The following SLC35D1 variants were observed in gnomAD, a reference collection of about 807,000 sequenced individuals.
The protein encoded by SLC35D1 is solute carrier family 35 member D1, also known as nucleotide sugar transporter SLC35D1.
A neutral mutation model predicts 46.7 loss-of-function variants in SLC35D1; 31 were observed. The observed-to-expected ratio is 0.66, with a 90% CI of 0.50 to 0.90. The LOEUF (loss-of-function observed/expected upper bound fraction) is 0.90, where lower values mean the gene tolerates loss of function less well. Among genes scored for constraint, SLC35D1 ranks in the 40% least tolerant of loss-of-function variants. The pLI is 0.00. For synonymous variants in SLC35D1, 195 were observed against 164.6 expected (o/e 1.18, Z -1.41); for missense variants, 397 against 426.2 (o/e 0.93, Z 0.60).
chr1:67,046,372 C>T (rs1435235720), intron 7 of SLC35D1, among the ~76,000 whole-genome samples: 1 of 152,046 alleles, frequency 6.6e-6, no homozygotes, highest in African/African-American at 2.4e-5. Flanking sequence ...ACATTCTACA[C>T]ATAATAGAAA....
At chr1:66,986,047 T>C in the SLC35D1 span, 85 of 1,003,772 alleles carry the variant, frequency 8.5e-5, no homozygotes, top group South Asian at 2.0e-3. Flanking sequence ...CTGCATTAAA[T>C]AAACAGAGGA....
the SLC35D1 span, chr1:66,984,673 C>G: frequency 6.2e-7 from 1 of 1,613,840 alleles, no homozygotes; most frequent in African/African-American, 1.3e-5. Context: ...GAAACCACTT[C>G]ATGCAGATAT....
chr1:67,006,628 TATTCCAGGCTTAGCCCTAATGATA>T (rs1667452721), intron 11 of SLC35D1, among the ~76,000 whole-genome samples: 1 of 152,198 alleles, frequency 6.6e-6, no homozygotes, highest in South Asian at 2.1e-4. Context: ...TCCTGTAATT[TATTCCAGGCTTAGCCCTAATGATA>T]ATTCCAGACC....
At chr1:66,976,286 G>A in the SLC35D1 span, among the ~76,000 whole-genome samples, 2 of 152,220 alleles carry the variant, frequency 1.3e-5, no homozygotes, top group African/African-American at 2.4e-5. Context: ...ACAGGCGTGA[G>A]CCACCGTGCC....
chr1:67,032,976 A>C (rs1168987390), intron 8 of SLC35D1, among the ~76,000 whole-genome samples: 2 of 152,110 alleles, frequency 1.3e-5, no homozygotes, highest in Non-Finnish European at 2.9e-5. Flanking sequence ...TAGTTCCCAT[A>C]AATAAATGAG....
Position 67,001,159 on chromosome 1 carries a change from A to G in SLC35D1, c.*3181T>C, listed in dbSNP as rs1201517618. 1 of 152,324 alleles carries G rather than the reference A, an allele frequency of 6.6e-6. No homozygotes were observed. Among genetic ancestry groups the G allele is most frequent in the Non-Finnish European group, 1.5e-5 (1 of 68,040 alleles). 9.4% of individuals were successfully genotyped at this position (152,324 alleles called of 1,614,324 possible). ...CTTTGCTCACTGAACGAGGCTATCA[A>G]GTAAGGCAGGCCCAAAGTCCTGGGG... is the stretch of plus-strand genomic sequence containing the variant. On this transcript the variant is annotated 3_prime_UTR_variant, in exon 12 of 12. Transcript: ENST00000235345.
At chr1:67,027,353 T>A (rs1047391918) in intron 8 of SLC35D1, among the ~76,000 whole-genome samples, 2 of 152,214 alleles carry the variant, frequency 1.3e-5, no homozygotes, top group Middle Eastern at 3.2e-3. Context: ...TTTAGTTTCA[T>A]TGGTTTTCAT....
At chr1:66,985,185 A>G in the SLC35D1 span, 1 of 983,926 alleles carries the variant, frequency 1.0e-6, no homozygotes, top group South Asian at 4.6e-5. Context: ...AGATTTACTA[A>G]TTTTGGTAAA....
downstream of SLC35D1, among the ~76,000 whole-genome samples, chr1:66,995,488 C>G (rs545685430): frequency 6.1e-5 from 6 of 98,312 alleles, no homozygotes; most frequent in East Asian, 2.1e-3. Flanking sequence ...AAAAACAGAC[C>G]AAAACCTCTG....
intron 10 of SLC35D1, among the ~76,000 whole-genome samples, chr1:67,017,169 C>T (rs1667702475): frequency 1.3e-5 from 2 of 152,098 alleles, no homozygotes; most frequent in South Asian, 4.1e-4. Context: ...ATTCTTATTA[C>T]ACTTTATACA....
intron 8 of SLC35D1, among the ~76,000 whole-genome samples, chr1:67,023,197 G>C (rs538188873): frequency 2.2e-4 from 34 of 152,208 alleles, no homozygotes; most frequent in African/African-American, 8.2e-4. Context: ...CTAGAAAATG[G>C]GATTGCTGGT....
At chr1:66,991,803 T>TTTA in the SLC35D1 span, among the ~76,000 whole-genome samples, 3 of 152,040 alleles carry the variant, frequency 2.0e-5, no homozygotes, top group Admixed American at 6.5e-5. Flanking sequence ...GCTTTTTTTT[T>TTTA]TATATCATAC....
downstream of SLC35D1, among the ~76,000 whole-genome samples, chr1:66,998,193 G>T (rs2102212949): frequency 6.6e-6 from 1 of 152,220 alleles, no homozygotes; most frequent in Middle Eastern, 3.4e-3. Flanking sequence ...CAAAAGAAAA[G>T]TAAGTGGGAT....
chr1:66,979,173 T>A, the SLC35D1 span, among the ~76,000 whole-genome samples: 1 of 152,228 alleles, frequency 6.6e-6, no homozygotes, highest in Non-Finnish European at 1.5e-5. Flanking sequence ...AGCTGTGTTA[T>A]GTCTTCTGTA....
intron 8 of SLC35D1, chr1:67,031,893 G>T: frequency 4.6e-6 from 1 of 216,870 alleles, no homozygotes; most frequent in Non-Finnish European, 7.9e-6. Flanking sequence ...TTCTCCCTAA[G>T]ATAGGAAATA....
intron 8 of SLC35D1, among the ~76,000 whole-genome samples, chr1:67,023,885 C>T (rs1445268265): frequency 6.6e-6 from 1 of 151,836 alleles, no homozygotes. Context: ...CACACATATG[C>T]TATACACACA....
chr1:67,012,195 G>T (rs1375474306), intron 10 of SLC35D1, among the ~76,000 whole-genome samples: 1 of 152,120 alleles, frequency 6.6e-6, no homozygotes, highest in Non-Finnish European at 1.5e-5. Context: ...AACCTTTGTT[G>T]CCTGGTTAGT....
chr1:67,043,241 T>C (rs540730024), intron 7 of SLC35D1, among the ~76,000 whole-genome samples: 1 of 151,524 alleles, frequency 6.6e-6, no homozygotes, highest in Non-Finnish European at 1.5e-5. Flanking sequence ...GGCACGTTCC[T>C]GTAAATCCCA....
the SLC35D1 span, chr1:66,984,481 C>CT: frequency 5.2e-6 from 5 of 958,288 alleles, no homozygotes; most frequent in Non-Finnish European, 7.8e-6. Flanking sequence ...ACCTTGCTTC[C>CT]TTGATAACAA....
Sources: gnomAD v4.1 joint callset for allele counts (sites outside exome capture counted in the v4.1 genomes callset) on GRCh38, gnomAD v4.1.1 for gene constraint, MANE v1.5 for transcripts, NCBI Gene and HGNC (gene_info 2026-07-23, HGNC 2026-07-21) for gene names.